LRRIQ1: variants seen among roughly 807,000 people sequenced by gnomAD.
LRRIQ1 encodes the protein leucine rich repeats and IQ motif containing 1.
Under a neutral mutation model 211.9 loss-of-function variants are expected in LRRIQ1, and 210 were observed. That is an observed-to-expected ratio of 0.99 (90% CI 0.89 to 1.11). The LOEUF is 1.11. Among genes scored for constraint, LRRIQ1 ranks in the 50% most tolerant of loss-of-function variants. The pLI is 0.00. For synonymous variants in LRRIQ1, 699 were observed against 650.1 expected, an observed-to-expected ratio of 1.08 and a Z score of -1.14; for missense variants, 2,136 against 1,939.5, an observed-to-expected ratio of 1.10 and a Z score of -1.90.
At chr12:85,226,008 C>T (rs951806082) in intron 24 of LRRIQ1, among the ~76,000 whole-genome samples, 1 of 152,166 alleles carries the variant, frequency 6.6e-6, no homozygotes, top group African/African-American at 2.4e-5. Flanking sequence ...ACACTGAGCT[C>T]ATGCCAATCT....
chr12:85,160,665 T>C lies in LRRIQ1; in HGVS notation c.4773T>C (p.Leu1591=), dbSNP rs762696445. The C allele has an allele frequency of 7.4e-6, 12 of 1,610,878 alleles. No individual in the cohort carries two copies. In the Admixed American group the frequency reaches 1.3e-4, roughly 18 times the overall value. ...LFKNNENKVS[L]PKSPKMVQPR... Reference sequence around the variant, plus strand: ...AAAACAATGAAAATAAAGTGTCTCTTCCAAAATCACCAAAGATGGTACAGC... The same window carrying C: ...AAAACAATGAAAATAAAGTGTCTCTCCCAAAATCACCAAAGATGGTACAGC... Residue 1591 remains leucine, a synonymous_variant, in exon 24 of 27, where the codon CTT becomes CTC. Transcript: ENST00000393217.
chr12:85,175,579 C>G (rs1891656439), intron 24 of LRRIQ1, among the ~76,000 whole-genome samples: 1 of 152,050 alleles, frequency 6.6e-6, no homozygotes, highest in Non-Finnish European at 1.5e-5. Flanking sequence ...AAGTCCTTTC[C>G]CATGCCTATG....
In LRRIQ1 at chr12:85,180,412, G is replaced by A. The variant is rs193123022; in HGVS notation, c.4822+19698G>A. 4.6e-5 allele frequency among the ~76,000 whole-genome samples: 7 copies of A among 151,700 alleles called. No individual in the cohort carries two copies. In the East Asian group the frequency reaches 7.8e-4, roughly 17 times the overall value. On this transcript the variant is annotated intron_variant, in intron 24 of 26. Coordinates refer to ENST00000393217, the MANE Select transcript of LRRIQ1 (RefSeq NM_001079910.2). ...TTATAGTACTTTAATAGAACTGGGGGATCCCACATATTTTCCCTAAAGCTT... is the reference window on the plus strand; with the variant it reads ...TTATAGTACTTTAATAGAACTGGGGAATCCCACATATTTTCCCTAAAGCTT...
chr12:85,096,670 G>A (rs1316748241), intron 11 of LRRIQ1, among the ~76,000 whole-genome samples: 2 of 152,124 alleles, frequency 1.3e-5, no homozygotes, highest in Non-Finnish European at 2.9e-5. Flanking sequence ...ACACCTATTA[G>A]TTCCAGTTGC....
intron 24 of LRRIQ1, among the ~76,000 whole-genome samples, chr12:85,190,221 TATA>T (rs1287213757): frequency 4.1e-5 from 6 of 144,668 alleles, no homozygotes; most frequent in Non-Finnish European, 9.0e-5. Flanking sequence ...TTTATAATTT[TATA>T]ATGATATATT....
In LRRIQ1 at chr12:85,239,849, G is replaced by A. The variant is rs190345234; in HGVS notation, c.5017-4940G>A. Among the ~76,000 whole-genome samples, 207 of 151,968 alleles carry A rather than the reference G, an allele frequency of 1.4e-3. 4 individuals carry two copies. The highest frequency in any genetic ancestry group is 4.1e-3 in the African/African-American group (170 of 41,484). Reference sequence around the variant, plus strand: ...AAAAATTAGCTGGGCATGGTGGCACGTGCCTGTAATCCCAGCTACTCAGGA... The same window carrying A: ...AAAAATTAGCTGGGCATGGTGGCACATGCCTGTAATCCCAGCTACTCAGGA... On this transcript the variant is annotated intron_variant, in intron 26 of 26. Coordinates refer to ENST00000393217, the MANE Select transcript of LRRIQ1 (RefSeq NM_001079910.2).
intron 16 of LRRIQ1, among the ~76,000 whole-genome samples, chr12:85,122,793 C>T (rs556679973): frequency 4.0e-5 from 6 of 151,822 alleles, no homozygotes; most frequent in South Asian, 2.1e-4. Context: ...ACAAATACTG[C>T]GATTATTTAC....
intron 6 of LRRIQ1, chr12:85,048,038 G>A (rs1047691044): frequency 2.0e-5 from 3 of 152,302 alleles, no homozygotes; most frequent in South Asian, 2.1e-4. Flanking sequence ...GTGGTATATC[G>A]GTATTGAGAA....
At chr12:85,232,109 A>T (rs560911964) in intron 25 of LRRIQ1, among the ~76,000 whole-genome samples, 1 of 152,242 alleles carries the variant, frequency 6.6e-6, no homozygotes, top group South Asian at 2.1e-4. Context: ...ACTCATAAAT[A>T]AGTTATATAT....
intron 11 of LRRIQ1, among the ~76,000 whole-genome samples, chr12:85,078,361 C>G (rs1397011800): frequency 6.6e-6 from 1 of 152,050 alleles, no homozygotes; most frequent in African/African-American, 2.4e-5. Context: ...AATAAAAAAG[C>G]TAAAGCTCAG....
At chr12:85,151,013 T>C (rs1450558323) in intron 19 of LRRIQ1, among the ~76,000 whole-genome samples, 1 of 151,540 alleles carries the variant, frequency 6.6e-6, no homozygotes, top group East Asian at 1.9e-4. Flanking sequence ...AAGAATATAC[T>C]ATATTGTTAT....
At chr12:85,219,304 G>T (rs1894293789) in intron 24 of LRRIQ1, among the ~76,000 whole-genome samples, 1 of 152,034 alleles carries the variant, frequency 6.6e-6, no homozygotes, top group African/African-American at 2.4e-5. Context: ...GTTGAATACA[G>T]ATTATTTATT....
At chr12:85,103,288 T>G (rs1886526715) in intron 13 of LRRIQ1, among the ~76,000 whole-genome samples, 1 of 151,300 alleles carries the variant, frequency 6.6e-6, no homozygotes. Flanking sequence ...ATATGCATAA[T>G]TAATTAGTAT....
chr12:85,162,599 TATA>T (rs1890942588), intron 24 of LRRIQ1, among the ~76,000 whole-genome samples: 2 of 152,316 alleles, frequency 1.3e-5, no homozygotes, highest in South Asian at 4.1e-4. Context: ...TCTAGAATAG[TATA>T]ATATGTATGT....
intron 18 of LRRIQ1, among the ~76,000 whole-genome samples, chr12:85,136,506 G>T (rs1009005991): frequency 2.0e-5 from 3 of 151,788 alleles, no homozygotes; most frequent in African/African-American, 7.3e-5. Flanking sequence ...AAGGAAGCTG[G>T]GTCATTGATC....
rs1420715112 is a variant in LRRIQ1 at position 85,056,623 on chromosome 12, A to G, written c.1830A>G (p.Lys610=). ...KDKDTLVISV[K]QRSLSLTSEN... The stretch of plus-strand genomic sequence containing the variant: ...AGGATACTTTAGTTATTTCAGTGAA[A>G]CAAAGATCACTCTCACTAACATCAG... The change falls in exon 8 of 27, where the codon AAA becomes AAG. Residue 610 remains lysine (K), a synonymous_variant. Transcript: ENST00000393217. 10 of 1,595,246 alleles carry G rather than the reference A, an allele frequency of 6.3e-6. No homozygotes were observed. Among genetic ancestry groups the G allele is most frequent in the Non-Finnish European group, 8.5e-6 (10 of 1,172,706 alleles).
intron 24 of LRRIQ1, among the ~76,000 whole-genome samples, chr12:85,197,426 C>T (rs1195369792): frequency 2.6e-5 from 4 of 151,360 alleles, no homozygotes; most frequent in Admixed American, 2.0e-4. Flanking sequence ...TTGGAACCAA[C>T]CCAAATGTCC....
chr12:85,263,615 A>G (rs1896357743), exon 2 of LRRIQ1: 1 of 151,996 alleles, frequency 6.6e-6, no homozygotes, highest in South Asian at 2.1e-4. Context: ...AGTTTAAATT[A>G]AAATAGAAAT....
At chr12:85,180,664 T>C (rs1161870576) in intron 24 of LRRIQ1, among the ~76,000 whole-genome samples, 2 of 151,878 alleles carry the variant, frequency 1.3e-5, no homozygotes, top group Non-Finnish European at 2.9e-5. Context: ...CTCACAGAGT[T>C]GAGTAAATGA....
Sources: gnomAD v4.1 joint callset for allele counts (sites outside exome capture counted in the v4.1 genomes callset) on GRCh38, gnomAD v4.1.1 for gene constraint, MANE v1.5 for transcripts, NCBI Gene and HGNC (gene_info 2026-07-23, HGNC 2026-07-21) for gene names.